Variants in ARHGEF26 observed in about 807,000 individuals in gnomAD.
ARHGEF26 encodes the protein Rho guanine nucleotide exchange factor 26, also known as Rho guanine nucleotide exchange factor (GEF) 26.
Under a neutral mutation model 89.4 loss-of-function variants are expected in ARHGEF26, and 59 were observed. The observed-to-expected ratio is 0.66, with a 90% CI of 0.54 to 0.82. The LOEUF is 0.82. Ranked by LOEUF, ARHGEF26 falls within the 40% of genes least tolerant of loss-of-function variation. The pLI, the probability that ARHGEF26 is intolerant of heterozygous loss-of-function variation, is 0.00. For missense variants in ARHGEF26, 1,234 were observed against 1,085.6 expected (o/e 1.14, Z -1.92); for synonymous variants, 500 against 428.4 (o/e 1.17, Z -2.06).
rs1328319937 is a variant in ARHGEF26 at position 154,183,388 on chromosome 3, A to G, written c.1488-4297A>G. Among the ~76,000 whole-genome samples the G allele has an allele frequency of 2.0e-5, 3 of 152,240 alleles. No homozygotes were observed. The East Asian group carries it at 5.8e-4, about 29-fold the overall frequency. ...CAAAGAGGAAATAAGTGGAAGTATT[A>G]TCCCCGAAAAAAATTCATAGAACTT... On this transcript the variant is annotated intron_variant, in intron 6 of 14. Coordinates refer to ENST00000465093, the MANE Select transcript of ARHGEF26 (RefSeq NM_015595.4).
chr3:154,164,850 T>C (rs1294771852), intron 6 of ARHGEF26, among the ~76,000 whole-genome samples: 1 of 152,194 alleles, frequency 6.6e-6, no homozygotes, highest in East Asian at 1.9e-4. Flanking sequence ...AAAAATCTGC[T>C]GTGAATAAGA....
intron 9 of ARHGEF26, among the ~76,000 whole-genome samples, chr3:154,211,958 A>G (rs920299408): frequency 2.0e-5 from 3 of 152,244 alleles, no homozygotes; most frequent in Middle Eastern, 3.4e-3. Flanking sequence ...GCTGTGGTAA[A>G]GGGAGGAGAG....
chr3:154,203,707 C>G (rs912793106), intron 9 of ARHGEF26, among the ~76,000 whole-genome samples: 3 of 152,058 alleles, frequency 2.0e-5, no homozygotes. Flanking sequence ...TGAATTTTAT[C>G]AAATGCTTTT....
intron 12 of ARHGEF26, among the ~76,000 whole-genome samples, chr3:154,249,986 T>G (rs2108298227): frequency 6.6e-6 from 1 of 152,244 alleles, no homozygotes; most frequent in Admixed American, 6.5e-5. Flanking sequence ...AGTTCCTGCT[T>G]TAGAGATGTA....
At chr3:154,142,245 A>G (rs1719430519) in intron 4 of ARHGEF26, among the ~76,000 whole-genome samples, 2 of 151,378 alleles carry the variant, frequency 1.3e-5, no homozygotes, top group Non-Finnish European at 2.9e-5. Flanking sequence ...TTTAAGGTAG[A>G]GATAGGAAGA....
At chr3:154,168,700 A>G (rs1576728663) in intron 6 of ARHGEF26, among the ~76,000 whole-genome samples, 2 of 152,208 alleles carry the variant, frequency 1.3e-5, no homozygotes, top group South Asian at 2.1e-4. Flanking sequence ...TTGATGTATT[A>G]TATTAGTTGT....
intron 3 of ARHGEF26, among the ~76,000 whole-genome samples, chr3:154,128,560 A>C (rs1718476487): frequency 1.3e-5 from 2 of 151,982 alleles, no homozygotes; most frequent in Non-Finnish European, 2.9e-5. Flanking sequence ...CATCTTCTGT[A>C]CTTTCCCCCC....
intron 4 of ARHGEF26, among the ~76,000 whole-genome samples, chr3:154,145,786 T>G (rs1370095889): frequency 6.6e-6 from 1 of 152,234 alleles, no homozygotes; most frequent in Non-Finnish European, 1.5e-5. Flanking sequence ...TAGGACTGGC[T>G]GTATCCATAG....
At chr3:154,210,653 T>C (rs1040730586) in intron 9 of ARHGEF26, among the ~76,000 whole-genome samples, 1 of 151,210 alleles carries the variant, frequency 6.6e-6, no homozygotes, top group Admixed American at 6.6e-5. Flanking sequence ...CTACAAACGT[T>C]GTCTGGGGCC....
chr3:154,247,730 T>A (rs993288715), intron 12 of ARHGEF26, among the ~76,000 whole-genome samples: 2 of 152,206 alleles, frequency 1.3e-5, no homozygotes, highest in African/African-American at 4.8e-5. Context: ...TCCCAAATTT[T>A]ACTTGTTTTT....
chr3:154,226,425 A>T (rs558655704), intron 11 of ARHGEF26, among the ~76,000 whole-genome samples: 6 of 152,314 alleles, frequency 3.9e-5, no homozygotes, highest in Non-Finnish European at 8.8e-5. Flanking sequence ...AACTTAATTT[A>T]AAATGCACTG....
In ARHGEF26 at chr3:154,124,978, C is replaced by CA. The variant is rs5853679; in HGVS notation, c.1123+542dup. On this transcript the variant is annotated intron_variant, in intron 3 of 14. Transcript: ENST00000465093. Reference sequence around the variant, plus strand: ...CATGTAGTATTTTTATTAAGGATCTCAAAAAAAAAAAAAGCAGCTTCAACC... The same window carrying CA: ...CATGTAGTATTTTTATTAAGGATCTCAAAAAAAAAAAAAAGCAGCTTCAACC... Among the ~76,000 whole-genome samples, 1,101 of 145,976 alleles carry CA rather than the reference C, an allele frequency of 7.5e-3. 17 individuals carry two copies. The highest frequency in any genetic ancestry group is 0.025 in the African/African-American group (1,012 of 39,716).
At chr3:154,230,904 C>T (rs1716787243) in intron 11 of ARHGEF26, among the ~76,000 whole-genome samples, 1 of 151,984 alleles carries the variant, frequency 6.6e-6, no homozygotes, top group African/African-American at 2.4e-5. Flanking sequence ...ATAGTTTGAA[C>T]ACCCAGTGGC....
At chr3:154,186,165 A>ACACCCACACC (rs766757043) in intron 6 of ARHGEF26, among the ~76,000 whole-genome samples, 1 of 150,138 alleles carries the variant, frequency 6.7e-6, no homozygotes, top group Non-Finnish European at 1.5e-5. Context: ...ACACACACAC[A>ACACCCACACC]CCCCTATACA....
At chr3:154,227,703 G>A (rs900792800) in intron 11 of ARHGEF26, among the ~76,000 whole-genome samples, 2 of 152,104 alleles carry the variant, frequency 1.3e-5, no homozygotes, top group Admixed American at 6.6e-5. Context: ...TTAGGGGAGA[G>A]TAGTTATATA....
intron 6 of ARHGEF26, among the ~76,000 whole-genome samples, chr3:154,160,631 A>G (rs1338841986): frequency 6.6e-6 from 1 of 152,164 alleles, no homozygotes; most frequent in East Asian, 1.9e-4. Context: ...ACCAAGGATC[A>G]ACCAGATTGA....
chr3:154,202,221 A>G (rs1413787411), intron 9 of ARHGEF26, among the ~76,000 whole-genome samples: 1 of 152,184 alleles, frequency 6.6e-6, no homozygotes, highest in African/African-American at 2.4e-5. Context: ...CTTCCTACAT[A>G]TGGCTAGCCA....
chr3:154,172,734 C>T (rs1325821736), intron 6 of ARHGEF26, among the ~76,000 whole-genome samples: 3 of 152,040 alleles, frequency 2.0e-5, no homozygotes, highest in African/African-American at 7.2e-5. Flanking sequence ...GAAGAGCCAG[C>T]CATATAGAAC....
rs374164000 is a variant in ARHGEF26 at position 154,200,336 on chromosome 3, T to C, written c.1845+5618T>C. Among the ~76,000 whole-genome samples, 76 of 152,310 alleles carry C rather than the reference T, an allele frequency of 5.0e-4. No individual in the cohort carries two copies. In the South Asian group the frequency reaches 0.016, roughly 32 times the overall value. On this transcript the variant is annotated intron_variant, in intron 9 of 14. Coordinates refer to ENST00000465093, the MANE Select transcript of ARHGEF26 (RefSeq NM_015595.4). ...GAGACTGTCTTTTCCTCAGTGTATG[T>C]TTTTGGCACTTTTGTCATAAATGAG... is the stretch of plus-strand genomic sequence containing the variant.
Sources: allele counts gnomAD v4.1 joint callset (sites outside exome capture counted in the v4.1 genomes callset), GRCh38; gene constraint gnomAD v4.1.1; transcripts MANE v1.5; gene names NCBI Gene and HGNC (gene_info 2026-07-23, HGNC 2026-07-21).